TPO: variants seen among roughly 807,000 people sequenced by gnomAD.
TPO encodes the protein thyroid microsomal antigen.
In TPO, 78 loss-of-function variants were observed where a neutral mutation model predicts 96.9. The ratio of observed to expected loss-of-function variants is 0.81; its 90% CI spans 0.67 to 0.97. TPO has a LOEUF of 0.97. Among genes scored for constraint, TPO ranks in the 50% least tolerant of loss-of-function variants. TPO has a pLI of 0.00. For synonymous variants in TPO, 547 were observed against 538.0 expected (o/e 1.02, Z -0.23); for missense variants, 1,252 against 1,274.8 (o/e 0.98, Z 0.27).
intron 3 of TPO, among the ~76,000 whole-genome samples, chr2:1,431,604 C>T (rs1664984588): frequency 6.6e-6 from 1 of 152,172 alleles, no homozygotes. Flanking sequence ...ATACCCATCA[C>T]CTTCCGTAGT....
At chr2:1,540,181 T>C (rs1228954871) in intron 15 of TPO, among the ~76,000 whole-genome samples, 1 of 152,000 alleles carries the variant, frequency 6.6e-6, no homozygotes, top group African/African-American at 2.4e-5. Context: ...CAGGCTCAGG[T>C]TGAAGATGCT....
At chr2:1,398,802 G>C (rs1662123694) in intron 1 of TPO, among the ~76,000 whole-genome samples, 1 of 152,138 alleles carries the variant, frequency 6.6e-6, no homozygotes, top group African/African-American at 2.4e-5. Context: ...AGGATTGCAG[G>C]GGCCAGGGAG....
At chr2:1,391,144 T>C (rs968027076) in intron 1 of TPO, among the ~76,000 whole-genome samples, 1 of 152,264 alleles carries the variant, frequency 6.6e-6, no homozygotes, top group African/African-American at 2.4e-5. Flanking sequence ...GGTTTTCTTC[T>C]AGATTTTCTA....
rs535263671 is a variant in TPO, at chr2:1,440,008, G to A, written c.482+3624G>A. Among the ~76,000 whole-genome samples the A allele has an allele frequency of 2.0e-4, 30 of 152,232 alleles. No homozygotes were observed. In the East Asian group the frequency reaches 3.1e-3, roughly 16 times the overall value. On this transcript the variant is annotated intron_variant, in intron 5 of 16. Transcript: ENST00000329066. ...CCCCAGCGGTCTCCTAAGCCGCTTC[G>A]GCGTCCCTCTCAGTCACCAGCACCT...
chr2:1,508,974 T>A (rs1673778031), intron 14 of TPO, among the ~76,000 whole-genome samples: 2 of 152,234 alleles, frequency 1.3e-5, no homozygotes, highest in African/African-American at 4.8e-5. Context: ...TTAATTGTGA[T>A]GTTAGGATGT....
At chr2:1,424,984 CGGG>C (rs1664184485) in intron 3 of TPO, among the ~76,000 whole-genome samples, 1 of 62,160 alleles carries the variant, frequency 1.6e-5, no homozygotes, top group African/African-American at 6.8e-5. Flanking sequence ...TTCTAGATGC[CGGG>C]ATACAGAGAT....
chr2:1,478,263 C>CATAA (rs1475554313), intron 8 of TPO: 1 of 985,298 alleles, frequency 1.0e-6, no homozygotes, highest in African/African-American at 1.7e-5. Context: ...CCTGGAAATG[C>CATAA]GGTCCCTGAC....
chr2:1,538,479 G>A (rs928609627), intron 15 of TPO, among the ~76,000 whole-genome samples: 4 of 152,006 alleles, frequency 2.6e-5, no homozygotes, highest in Non-Finnish European at 4.4e-5. Context: ...AATGAATATA[G>A]AAAATAATTT....
At chr2:1,408,414 C>T (rs546464653) in intron 1 of TPO, among the ~76,000 whole-genome samples, 4 of 152,320 alleles carry the variant, frequency 2.6e-5, no homozygotes, top group South Asian at 2.1e-4. Flanking sequence ...AGAGCATCCT[C>T]ACCCAGCCTT....
rs1326315189 is a variant in TPO at position 1,470,501 on chromosome 2, G to A, written c.820-6585G>A. 5.0e-4 allele frequency among the ~76,000 whole-genome samples: 75 copies of A among 150,504 alleles called. 1 individual carries two copies. The highest frequency in any genetic ancestry group is 1.5e-5 in the Non-Finnish European group (1 of 67,730). ...GACATCTACATTGTTATCTTACTGA[G>A]CAGGTCTTCCTTATCTGGTATATAT... On this transcript the variant is annotated intron_variant, in intron 7 of 16. Transcript: ENST00000329066.
chr2:1,440,201 T>C (rs1384506964), intron 5 of TPO, among the ~76,000 whole-genome samples: 4 of 152,050 alleles, frequency 2.6e-5, no homozygotes, highest in African/African-American at 9.7e-5. Flanking sequence ...ATTTCCTGCA[T>C]TCCAAAGCGA....
intron 3 of TPO, among the ~76,000 whole-genome samples, chr2:1,427,628 C>T (rs1035890120): frequency 1.3e-5 from 2 of 152,220 alleles, no homozygotes; most frequent in Non-Finnish European, 2.9e-5. Flanking sequence ...TTCTCCGCTT[C>T]ATAATTTTAT....
In TPO at chr2:1,516,993, C is replaced by A. The variant is rs2125076626; in HGVS notation, c.2618+11C>A. ...GGTGATTTGCAGGTGGTAAGTCCTT[C>A]ACTTTTTGACTGTTACTTAGACACA... On this transcript the variant is annotated intron_variant, in intron 15 of 16. Coordinates refer to ENST00000329066, the MANE Select transcript of TPO (RefSeq NM_001206744.2). 6.2e-7 allele frequency: 1 copy of A among 1,613,078 alleles called. No homozygotes were observed. Among genetic ancestry groups the A allele is most frequent in the African/African-American group, 1.3e-5 (1 of 75,044 alleles).
At chr2:1,485,433 G>A (rs150240584) in intron 9 of TPO, among the ~76,000 whole-genome samples, 43 of 152,228 alleles carry the variant, frequency 2.8e-4, no homozygotes, top group Non-Finnish European at 5.4e-4. Context: ...TAATTGGATC[G>A]CTGGGTCAAA....
intron 13 of TPO, among the ~76,000 whole-genome samples, chr2:1,500,417 C>A (rs1204510131): frequency 1.3e-5 from 2 of 152,110 alleles, no homozygotes; most frequent in African/African-American, 4.8e-5. Flanking sequence ...CTGTTCCCTG[C>A]ACTAGAAGTT....
intron 7 of TPO, among the ~76,000 whole-genome samples, chr2:1,469,691 C>G (rs1669208616): frequency 6.6e-6 from 1 of 152,190 alleles, no homozygotes; most frequent in Non-Finnish European, 1.5e-5. Context: ...TAAATGGACT[C>G]AGCTCCGGGT....
intron 7 of TPO, among the ~76,000 whole-genome samples, chr2:1,469,279 C>A: frequency 6.6e-6 from 1 of 152,080 alleles, no homozygotes; most frequent in East Asian, 1.9e-4. Context: ...TGTTAAAGAG[C>A]CTTATTTTGT....
At chr2:1,532,698 T>G (rs868206477) in intron 15 of TPO, among the ~76,000 whole-genome samples, 14 of 6,798 alleles carry the variant, frequency 2.1e-3, no homozygotes, top group African/African-American at 0.013. Flanking sequence ...CTGTGCAACC[T>G]CCCCAAATCC....
chr2:1,433,935 C>A (rs996272600), intron 4 of TPO, among the ~76,000 whole-genome samples: 1 of 152,138 alleles, frequency 6.6e-6, no homozygotes, highest in African/African-American at 2.4e-5. Flanking sequence ...TAAAACTTGG[C>A]AAGCTCATTC....
Sources: allele counts gnomAD v4.1 joint callset (sites outside exome capture counted in the v4.1 genomes callset), GRCh38; gene constraint gnomAD v4.1.1; transcripts MANE v1.5; gene names NCBI Gene and HGNC (gene_info 2026-07-23, HGNC 2026-07-21).